SLCO2B1: variants seen among roughly 807,000 people sequenced by gnomAD.
SLCO2B1 encodes solute carrier organic anion transporter family member 2B1, also known as OATP-RP2.
In SLCO2B1, 41 loss-of-function variants were observed where a neutral mutation model predicts 67.3. That is an observed-to-expected ratio of 0.61 (90% CI 0.47 to 0.79). The LOEUF is 0.79. Among genes scored for constraint, SLCO2B1 ranks in the 30% least tolerant of loss-of-function variants. The pLI, the probability that SLCO2B1 is intolerant of heterozygous loss-of-function variation, is 0.00. For synonymous variants in SLCO2B1, 379 were observed against 381.4 expected (o/e 0.99, Z 0.07); for missense variants, 837 against 920.1 (o/e 0.91, Z 1.17).
At chr11:75,158,416 A>G (rs1209459012) in intron 1 of SLCO2B1, among the ~76,000 whole-genome samples, 1 of 152,160 alleles carries the variant, frequency 6.6e-6, no homozygotes, top group Non-Finnish European at 1.5e-5. Context: ...ATGGTGATAC[A>G]CTTAGGGGAA....
At chr11:75,183,952 A>G (rs1226608588) in intron 7 of SLCO2B1, among the ~76,000 whole-genome samples, 2 of 152,210 alleles carry the variant, frequency 1.3e-5, no homozygotes, top group African/African-American at 4.8e-5. Context: ...ACTTGCCGGC[A>G]GGTCCCAGTG....
At chr11:75,181,372 C>CAAAAAAAA (rs11369857) in intron 7 of SLCO2B1, among the ~76,000 whole-genome samples, 1 of 128,668 alleles carries the variant, frequency 7.8e-6, no homozygotes, top group Non-Finnish European at 1.6e-5. Flanking sequence ...GACTCTGCCT[C>CAAAAAAAA]AAAAAAAAAA....
intron 7 of SLCO2B1, among the ~76,000 whole-genome samples, chr11:75,180,306 A>C (rs1476753441): frequency 6.6e-6 from 1 of 152,180 alleles, no homozygotes; most frequent in Non-Finnish European, 1.5e-5. Context: ...TAAGTGTATA[A>C]TAAATCCAGC....
intron 13 of SLCO2B1, chr11:75,203,832 T>C (rs1468711543): frequency 1.6e-5 from 3 of 184,338 alleles, no homozygotes; most frequent in African/African-American, 2.4e-5. Flanking sequence ...ATGGGACTTA[T>C]CTTGTCTGGG....
intron 7 of SLCO2B1, among the ~76,000 whole-genome samples, chr11:75,173,819 T>C (rs995159119): frequency 1.3e-5 from 2 of 152,190 alleles, no homozygotes; most frequent in Non-Finnish European, 2.9e-5. Flanking sequence ...AGTTTATTTA[T>C]TTATTTTTAT....
intron 10 of SLCO2B1, among the ~76,000 whole-genome samples, chr11:75,197,147 C>T (rs890867367): frequency 2.4e-4 from 36 of 152,284 alleles, no homozygotes; most frequent in African/African-American, 7.9e-4. Flanking sequence ...TCATTGCCAG[C>T]CTGGGCCCAG....
Position 75,193,160 on chromosome 11 carries a change from T to C in SLCO2B1, c.1076-58T>C. 1 of 1,304,592 alleles carries C rather than the reference T, an allele frequency of 7.7e-7. No individual in the cohort carries two copies. The highest frequency in any genetic ancestry group is 1.1e-6 in the Non-Finnish European group (1 of 933,534). The allele number at this position is 1,304,592 out of a possible 1,614,324, so 80.8% of individuals were successfully genotyped here. On this transcript the variant is annotated intron_variant, in intron 8 of 13. Coordinates refer to ENST00000289575, the MANE Select transcript of SLCO2B1 (RefSeq NM_007256.5). This position sits in a 1 kb window ranked among gnomAD's most constrained non-coding sequence, Gnocchi z 4.2. Reference sequence around the variant, plus strand: ...TGAACTGAGCAGGGCAGGAGGGCAGTCTCTGCTGGACAGCTTGGCTGCCCT... The same window carrying C: ...TGAACTGAGCAGGGCAGGAGGGCAGCCTCTGCTGGACAGCTTGGCTGCCCT...
intron 7 of SLCO2B1, among the ~76,000 whole-genome samples, chr11:75,185,242 A>G (rs982596813): frequency 6.6e-6 from 1 of 152,090 alleles, no homozygotes; most frequent in Non-Finnish European, 1.5e-5. Flanking sequence ...AAAAAATGAG[A>G]TGGGAGAAGA....
chr11:75,200,149 T>C lies in SLCO2B1; in HGVS notation c.1600-75T>C, dbSNP rs1945160584. 8 of 1,479,706 alleles carry C rather than the reference T, an allele frequency of 5.4e-6. No homozygotes were observed. The South Asian group carries it at 1.0e-4, about 19-fold the overall frequency. 91.7% of individuals were successfully genotyped at this position (1,479,706 alleles called of 1,614,324 possible). On this transcript the variant is annotated intron_variant, in intron 10 of 13. Transcript: ENST00000289575. ...TGGAACTTGGGCCTCTCACAAGCCT[T>C]CCCCGCTGCAAGCCCTTGGCCAGCT...
intron 4 of SLCO2B1, among the ~76,000 whole-genome samples, chr11:75,168,842 C>T (rs949260288): frequency 1.3e-5 from 2 of 152,220 alleles, no homozygotes; most frequent in African/African-American, 4.8e-5. Flanking sequence ...ACTACACCAC[C>T]TTTGACCACC....
At chr11:75,163,570 A>T (rs1828712090) in intron 2 of SLCO2B1, among the ~76,000 whole-genome samples, 1 of 152,036 alleles carries the variant, frequency 6.6e-6, no homozygotes, top group South Asian at 2.1e-4. Flanking sequence ...TCTGAGAGTC[A>T]GAGGGGCTCC....
chr11:75,162,892 A>C, intron 2 of SLCO2B1, 107 bp downstream of exon 2: 25 of 1,312,108 alleles, frequency 1.9e-5, no homozygotes, highest in Non-Finnish European at 2.4e-5. Context: ...CGGTTTCCTC[A>C]TCTATAGAAT....
intron 5 of SLCO2B1, 55 bp downstream of exon 5, chr11:75,169,461 A>T: frequency 3.4e-6 from 5 of 1,464,768 alleles, no homozygotes; most frequent in Non-Finnish European, 3.7e-6. Flanking sequence ...CTCAACTAGG[A>T]GGAAGAGAGA....
intron 7 of SLCO2B1, among the ~76,000 whole-genome samples, chr11:75,173,163 C>T (rs935295154): frequency 2.6e-5 from 4 of 152,318 alleles, no homozygotes; most frequent in Non-Finnish European, 4.4e-5. Flanking sequence ...CTAACCACTA[C>T]AATATGGCCT....
rs1422066168 is a variant in SLCO2B1 at position 75,200,327 on chromosome 11, TCAG to T, written c.1705_1707del (p.Ser569del). On this transcript the variant is annotated inframe_deletion, in exon 11 of 14. Transcript: ENST00000289575. ...CTGGTGGTGCCCTTCCTGCTCCTGG[TCAG>T]CCTGGGCTCGGCCCTGGCCTGTCTC... 2 of 1,613,638 alleles carry T rather than the reference TCAG, an allele frequency of 1.2e-6. No individual in the cohort carries two copies. The highest frequency in any genetic ancestry group is 1.7e-6 in the Non-Finnish European group (2 of 1,179,936).
At chr11:75,166,839 G>A (rs1313845496) in intron 4 of SLCO2B1, among the ~76,000 whole-genome samples, 2 of 152,194 alleles carry the variant, frequency 1.3e-5, no homozygotes, top group African/African-American at 4.8e-5. Context: ...CCACACCCCA[G>A]CCTGGCATGG....
At position 75,163,984 on chromosome 11, in the gene SLCO2B1, C is replaced by T. The variant is rs1414782872; in HGVS notation, c.169C>T (p.Leu57=). 6.2e-7 allele frequency: 1 copy of T among 1,603,350 alleles called. No homozygotes were observed. Among genetic ancestry groups the T allele is most frequent in the Non-Finnish European group, 8.5e-7 (1 of 1,175,182 alleles). ...ACAGCTGTTCGTTCTGTGCCACAGC[C>T]TGCTGCAGCTGGCGCAGCTCATGAT... ...NIKLFVLCHS[L]LQLAQLMISG... The change falls in exon 3 of 14, where the codon CTG becomes TTG. Residue 57 remains leucine (L), a synonymous_variant. Transcript: ENST00000289575.
rs575863102 is a variant in SLCO2B1 at position 75,169,467 on chromosome 11, A to G, written c.682+61A>G. 7.6e-5 allele frequency: 111 copies of G among 1,452,042 alleles called. 1 individual carries two copies. In the East Asian group the frequency reaches 2.5e-3, roughly 32 times the overall value. 89.9% of individuals were successfully genotyped at this position (1,452,042 alleles called of 1,614,324 possible). ...CAGGCCAGGCTCAACTAGGAGGAAGAGAGACCCAGGGTTGGGGCTGGAGAT... is the reference window on the plus strand; with the variant it reads ...CAGGCCAGGCTCAACTAGGAGGAAGGGAGACCCAGGGTTGGGGCTGGAGAT... On this transcript the variant is annotated intron_variant, in intron 5 of 13. Coordinates refer to ENST00000289575, the MANE Select transcript of SLCO2B1 (RefSeq NM_007256.5).
chr11:75,203,863 C>T (rs1339774599), intron 13 of SLCO2B1: 1 of 172,886 alleles, frequency 5.8e-6, no homozygotes, highest in South Asian at 1.5e-4. Flanking sequence ...CCCATCTGTA[C>T]AAAGGGGAAC....
Sources: allele counts gnomAD v4.1 joint callset (sites outside exome capture counted in the v4.1 genomes callset), GRCh38; gene constraint gnomAD v4.1.1; non-coding constraint Gnocchi (gnomAD v3.1); transcripts MANE v1.5; gene names NCBI Gene and HGNC (gene_info 2026-07-23, HGNC 2026-07-21).